The following GRIN2B variants were observed in gnomAD, a reference collection of about 807,000 sequenced individuals.
GRIN2B encodes the protein glutamate ionotropic receptor NMDA type subunit 2B.
In GRIN2B, 5 loss-of-function variants were observed where a neutral mutation model predicts 114.5. That is an observed-to-expected ratio of 0.04 (90% CI 0.02 to 0.09). GRIN2B has a LOEUF of 0.09. Among genes scored for constraint, GRIN2B ranks in the 10% least tolerant of loss-of-function variants. The pLI is 1.00. For synonymous variants in GRIN2B, 787 were observed against 745.1 expected, an observed-to-expected ratio of 1.06 and a Z score of -0.92; for missense variants, 1,108 against 1,943.5, an observed-to-expected ratio of 0.57 and a Z score of 8.08.
intron 4 of GRIN2B, among the ~76,000 whole-genome samples, chr12:13,684,451 A>G (rs1164061558): frequency 9.2e-5 from 14 of 152,114 alleles, no homozygotes; most frequent in Non-Finnish European, 8.8e-5. Flanking sequence ...TACGCACAGA[A>G]CTCAGTGATG....
intron 5 of GRIN2B, among the ~76,000 whole-genome samples, chr12:13,654,502 C>A (rs1949844755): frequency 6.6e-6 from 1 of 152,160 alleles, no homozygotes; most frequent in Non-Finnish European, 1.5e-5. Flanking sequence ...TCTGCTTAAA[C>A]CTTCAGATAA....
chr12:13,939,535 G>C (rs1035173347), intron 2 of GRIN2B, among the ~76,000 whole-genome samples: 1 of 136,944 alleles, frequency 7.3e-6, no homozygotes, highest in Non-Finnish European at 1.5e-5. Flanking sequence ...ACAGATGCCT[G>C]CACCGTGCTT....
intron 5 of GRIN2B, among the ~76,000 whole-genome samples, chr12:13,652,417 C>T (rs1379536890): frequency 6.6e-6 from 1 of 151,764 alleles, no homozygotes; most frequent in African/African-American, 2.4e-5. Context: ...GAAAAGCTTG[C>T]CAGAGAAGGC....
At chr12:13,790,907 G>C (rs1047865902) in intron 3 of GRIN2B, among the ~76,000 whole-genome samples, 6 of 152,176 alleles carry the variant, frequency 3.9e-5, no homozygotes, top group African/African-American at 1.4e-4. Flanking sequence ...GTGAGAAGCA[G>C]AACAAGTCCA....
chr12:13,563,056 G>A lies in GRIN2B; in HGVS notation c.4182C>T (p.Asp1394=). The change falls in exon 14 of 14, where the codon GAC becomes GAT. Residue 1394 remains aspartate, a synonymous_variant. Transcript: ENST00000609686. ...ATTTGCTGCCATGGAGCAAGCACTG[G>A]TCGTCCCCAAAAGTGGGGATGAAAG... ...QNPFIPTFGD[D]QCLLHGSKSY... 1.9e-6 allele frequency: 3 copies of A among 1,614,202 alleles called. No homozygotes were observed. Among genetic ancestry groups the A allele is most frequent in the African/African-American group, 1.3e-5 (1 of 75,066 alleles).
intron 3 of GRIN2B, among the ~76,000 whole-genome samples, chr12:13,834,537 G>T (rs1446394650): frequency 1.3e-5 from 2 of 152,116 alleles, no homozygotes; most frequent in South Asian, 2.1e-4. Flanking sequence ...CACTGCCTGG[G>T]TTCCCATCAT....
At chr12:13,638,941 C>T (rs1354151896) in intron 5 of GRIN2B, among the ~76,000 whole-genome samples, 1 of 152,048 alleles carries the variant, frequency 6.6e-6, no homozygotes, top group Non-Finnish European at 1.5e-5. Flanking sequence ...CCCCTCTTTG[C>T]ACGTTTGTTG....
chr12:13,771,397 TAC>T (rs960347672), intron 3 of GRIN2B, among the ~76,000 whole-genome samples: 1 of 152,118 alleles, frequency 6.6e-6, no homozygotes, highest in African/African-American at 2.4e-5. Context: ...TTGATAAACC[TAC>T]ACAGTTTTAC....
At position 13,866,272 on chromosome 12, in the gene GRIN2B, G is replaced by A. The variant is rs550329895; in HGVS notation, c.-18-46C>T. 1.9e-5 allele frequency: 29 copies of A among 1,538,532 alleles called. No individual in the cohort carries two copies. In the South Asian group the frequency reaches 2.1e-4, roughly 11 times the overall value. ...CATGTTAAAATAGGATCTACATCAC[G>A]TAACCTGTCTTAGAAGAGGCTAGAT... On this transcript the variant is annotated intron_variant, in intron 2 of 13. Coordinates refer to ENST00000609686, the MANE Select transcript of GRIN2B (RefSeq NM_000834.5).
intron 10 of GRIN2B, among the ~76,000 whole-genome samples, chr12:13,575,773 T>A (rs1948768569): frequency 6.6e-6 from 1 of 151,962 alleles, no homozygotes; most frequent in African/African-American, 2.4e-5. Flanking sequence ...GAATTTGGAT[T>A]TGGATTTCAG....
At chr12:13,874,300 T>A (rs568083089) in intron 2 of GRIN2B, among the ~76,000 whole-genome samples, 1 of 152,256 alleles carries the variant, frequency 6.6e-6, no homozygotes. Context: ...TTTCCTGCTG[T>A]ATGCACAAAG....
intron 2 of GRIN2B, among the ~76,000 whole-genome samples, chr12:13,893,179 T>A (rs1866292648): frequency 1.3e-5 from 2 of 152,184 alleles, no homozygotes. Flanking sequence ...AACAGCCATA[T>A]TTTAGAATAG....
At chr12:13,688,911 T>C (rs1409827231) in intron 4 of GRIN2B, among the ~76,000 whole-genome samples, 1 of 152,212 alleles carries the variant, frequency 6.6e-6, no homozygotes, top group Non-Finnish European at 1.5e-5. Flanking sequence ...GTTTGATCTC[T>C]CCACAGATTC....
In GRIN2B at chr12:13,563,401, A is replaced by C. The variant is rs1806200; in HGVS notation, c.3837T>G (p.Thr1279=). Residue 1279 remains threonine, a synonymous_variant, in exon 14 of 14, where the codon ACT becomes ACG. Coordinates refer to ENST00000609686, the MANE Select transcript of GRIN2B (RefSeq NM_000834.5). ...AATTAGTCGGGCTCTGAGGGTACTTAGTGGTGGAGGCGTTTGACGTCACCG... is the reference window on the plus strand; with the variant it reads ...AATTAGTCGGGCTCTGAGGGTACTTCGTGGTGGAGGCGTTTGACGTCACCG... ...PVAVTSNAST[T]KYPQSPTNSK... The C allele has an allele frequency of 3.2e-4, 509 of 1,614,086 alleles. 4 individuals are homozygous for C. In the South Asian group the frequency reaches 4.8e-3, roughly 15 times the overall value.
chr12:13,960,521 GA>G (rs1365460117), intron 2 of GRIN2B, among the ~76,000 whole-genome samples: 2 of 152,122 alleles, frequency 1.3e-5, no homozygotes, highest in Admixed American at 1.3e-4. Context: ...ACCACAGGGG[GA>G]CTGCGGAGAG....
chr12:13,961,497 T>C (rs138583552), intron 2 of GRIN2B, among the ~76,000 whole-genome samples: 85 of 152,336 alleles, frequency 5.6e-4, no homozygotes, highest in African/African-American at 1.9e-3. Context: ...AAATCCAACA[T>C]ATTAAAAAAG....
intron 2 of GRIN2B, among the ~76,000 whole-genome samples, chr12:13,925,754 T>C (rs573021176): frequency 1.3e-5 from 2 of 152,300 alleles, no homozygotes; most frequent in South Asian, 4.1e-4. Flanking sequence ...ATTGAAGCTA[T>C]TAATAGTGCA....
chr12:13,588,393 T>G (rs1948961028), intron 10 of GRIN2B, among the ~76,000 whole-genome samples: 1 of 152,198 alleles, frequency 6.6e-6, no homozygotes, highest in African/African-American at 2.4e-5. Flanking sequence ...AAGGGTCTTG[T>G]TTTCTTTAAT....
chr12:13,694,839 A>G (rs1950247170), intron 4 of GRIN2B, among the ~76,000 whole-genome samples: 1 of 151,776 alleles, frequency 6.6e-6, no homozygotes, highest in Non-Finnish European at 1.5e-5. Flanking sequence ...CACTACTCAC[A>G]TTACTTTTTC....
Sources: gnomAD v4.1 joint callset for allele counts (sites outside exome capture counted in the v4.1 genomes callset) on GRCh38, gnomAD v4.1.1 for gene constraint, MANE v1.5 for transcripts, NCBI Gene and HGNC (gene_info 2026-07-23, HGNC 2026-07-21) for gene names.